The following KIAA0319L variants were observed in gnomAD, a reference collection of about 807,000 sequenced individuals.
The protein encoded by KIAA0319L is KIAA0319 like.
KIAA0319L carries 55 observed loss-of-function variants against 120.1 expected under a neutral mutation model. The ratio of observed to expected loss-of-function variants is 0.46; its 90% CI spans 0.37 to 0.57. The LOEUF is 0.57. KIAA0319L is among the 20% of genes least tolerant of loss of function. The probability of loss-of-function intolerance (pLI) is 0.00; values close to 1 mark genes in which losing one functional copy is unlikely to be tolerated. For synonymous variants in KIAA0319L, 398 were observed against 471.9 expected, an observed-to-expected ratio of 0.84 and a Z score of 2.03; for missense variants, 1,049 against 1,255.3, an observed-to-expected ratio of 0.84 and a Z score of 2.48.
intron 3 of KIAA0319L, among the ~76,000 whole-genome samples, chr1:35,493,718 A>G (rs1457846796): frequency 6.6e-6 from 1 of 151,944 alleles, no homozygotes; most frequent in Non-Finnish European, 1.5e-5. Context: ...AGGAGTACAC[A>G]TTTGTAGTCC....
intron 2 of KIAA0319L, among the ~76,000 whole-genome samples, chr1:35,526,202 T>C (rs370299424): frequency 6.6e-6 from 1 of 151,240 alleles, no homozygotes. Context: ...TATGTGACTG[T>C]CTGTTTTTAT....
At chr1:35,480,326 G>C (rs939276858) in intron 3 of KIAA0319L, among the ~76,000 whole-genome samples, 2 of 152,188 alleles carry the variant, frequency 1.3e-5, no homozygotes, top group African/African-American at 2.4e-5. Flanking sequence ...AGGGTTGTAT[G>C]CAAGGAAGTA....
Position 35,453,557 on chromosome 1 carries a change from T to C in KIAA0319L, c.1913A>G (p.Gln638Arg), listed in dbSNP as rs769922078. 1 of 1,614,076 alleles carries C rather than the reference T, an allele frequency of 6.2e-7. No individual in the cohort carries two copies. Among genetic ancestry groups the C allele is most frequent in the Admixed American group, 1.7e-5 (1 of 60,024 alleles). The change falls in exon 12 of 21, where the codon CAG becomes CGG. Residue 638 changes from glutamine (Q) to arginine (R), a missense_variant and splice_region_variant. Transcript: ENST00000325722. The surrounding 1 kb of genome is among the most constrained non-coding windows in gnomAD (Gnocchi z 4.1). ...ATAAGGATTTTGTGTCAATACTCAC[T>C]GTGTTTTTTCCCAGAGATATGAGAT... ...KIISYLWEKT[Q>R]GPDGVQLENA...
chr1:35,500,495 C>T (rs968033077), intron 3 of KIAA0319L, among the ~76,000 whole-genome samples: 2 of 152,170 alleles, frequency 1.3e-5, no homozygotes, highest in Non-Finnish European at 2.9e-5. Flanking sequence ...AAAAGGTCCA[C>T]AATATCTGCC....
chr1:35,538,170 A>C (rs1349182972), intron 2 of KIAA0319L, among the ~76,000 whole-genome samples: 2 of 152,126 alleles, frequency 1.3e-5, no homozygotes, highest in Non-Finnish European at 2.9e-5. Context: ...AATGGCAGGA[A>C]CTTGGTTTTA....
At chr1:35,479,966 A>AAAAAAAAAAAAAAAAAC (rs1644090904) in intron 3 of KIAA0319L, among the ~76,000 whole-genome samples, 8 of 130,778 alleles carry the variant, frequency 6.1e-5, no homozygotes, top group East Asian at 3.0e-4. Context: ...AAAAAAAAAA[A>AAAAAAAAAAAAAAAAAC]AAAAAACACA....
At chr1:35,541,333 CTTTT>C (rs768545066) in intron 2 of KIAA0319L, among the ~76,000 whole-genome samples, 1 of 117,344 alleles carries the variant, frequency 8.5e-6, no homozygotes, top group South Asian at 2.9e-4. Flanking sequence ...CAAGCTACTT[CTTTT>C]TTTTTTTTTT....
intron 18 of KIAA0319L, 61 bp from the exon 19 acceptor site, chr1:35,442,397 C>A: frequency 7.8e-7 from 1 of 1,288,618 alleles, no homozygotes; most frequent in Non-Finnish European, 1.1e-6. Context: ...GAGGTCTGGG[C>A]TGCTCCCAGC....
intron 2 of KIAA0319L, among the ~76,000 whole-genome samples, chr1:35,533,627 C>G (rs568402920): frequency 1.3e-5 from 2 of 152,162 alleles, no homozygotes; most frequent in Non-Finnish European, 2.9e-5. Context: ...AAAGGCACAG[C>G]CTTAAATTTG....
At chr1:35,489,537 C>G (rs1036852198) in intron 3 of KIAA0319L, among the ~76,000 whole-genome samples, 3 of 152,134 alleles carry the variant, frequency 2.0e-5, no homozygotes, top group Non-Finnish European at 4.4e-5. Context: ...GAGTGCTATA[C>G]AGAGACAGAA....
At chr1:35,461,643 G>A (rs1642901327) in intron 8 of KIAA0319L, among the ~76,000 whole-genome samples, 1 of 152,178 alleles carries the variant, frequency 6.6e-6, no homozygotes, top group Non-Finnish European at 1.5e-5. Flanking sequence ...ACTGTCTGGA[G>A]GAAAACCGGA....
chr1:35,530,629 A>T (rs1646328129), intron 2 of KIAA0319L, among the ~76,000 whole-genome samples: 1 of 152,150 alleles, frequency 6.6e-6, no homozygotes, highest in Non-Finnish European at 1.5e-5. Flanking sequence ...TCTTTTGGAG[A>T]TACCATATTT....
intron 5 of KIAA0319L, among the ~76,000 whole-genome samples, chr1:35,471,628 C>T (rs1026561367): frequency 2.2e-4 from 34 of 152,222 alleles, no homozygotes; most frequent in African/African-American, 7.2e-4. Flanking sequence ...AATGGCATCC[C>T]TCCCCAGAAA....
At chr1:35,490,149 T>C (rs1644539630) in intron 3 of KIAA0319L, among the ~76,000 whole-genome samples, 1 of 152,154 alleles carries the variant, frequency 6.6e-6, no homozygotes, top group African/African-American at 2.4e-5. Flanking sequence ...TGCCCTGTAG[T>C]TCTCTTGATT....
At chr1:35,460,534 G>A in intron 8 of KIAA0319L, 97 bp from the exon 9 acceptor site, 8 of 1,142,588 alleles carry the variant, frequency 7.0e-6, no homozygotes, top group East Asian at 2.4e-5. Flanking sequence ...GAGATTTGAA[G>A]CTAGGAAAAC....
At chr1:35,503,724 G>A (rs927083910) in intron 3 of KIAA0319L, among the ~76,000 whole-genome samples, 4 of 151,994 alleles carry the variant, frequency 2.6e-5, no homozygotes, top group East Asian at 1.9e-4. Flanking sequence ...CTTGAACTGC[G>A]CAGGTTCATT....
chr1:35,513,289 T>TATATATATATA (rs1491413167), intron 2 of KIAA0319L, among the ~76,000 whole-genome samples: 19 of 70,588 alleles, frequency 2.7e-4, no homozygotes, highest in East Asian at 1.5e-3. Flanking sequence ...TATATATATA[T>TATATATATATA]TTTTTTTTTT....
intron 2 of KIAA0319L, among the ~76,000 whole-genome samples, chr1:35,520,447 G>A (rs552394403): frequency 6.6e-6 from 1 of 152,082 alleles, no homozygotes; most frequent in African/African-American, 2.4e-5. Context: ...ACACTGAAGT[G>A]CAGTGGTGCA....
intron 3 of KIAA0319L, among the ~76,000 whole-genome samples, chr1:35,487,690 C>T (rs1426843354): frequency 6.6e-6 from 1 of 152,234 alleles, no homozygotes; most frequent in East Asian, 1.9e-4. Flanking sequence ...ATTACGTCCA[C>T]TGACACCTCA....
Sources: allele counts gnomAD v4.1 joint callset (sites outside exome capture counted in the v4.1 genomes callset), GRCh38; gene constraint gnomAD v4.1.1; non-coding constraint Gnocchi (gnomAD v3.1); transcripts MANE v1.5; gene names NCBI Gene and HGNC (gene_info 2026-07-23, HGNC 2026-07-21).